The following SPAG6 variants were observed in gnomAD, a reference collection of about 807,000 sequenced individuals.
The protein encoded by SPAG6 is sperm associated antigen 6.
A neutral mutation model predicts 58.5 loss-of-function variants in SPAG6; 49 were observed. The observed-to-expected ratio is 0.84, with a 90% CI of 0.67 to 1.06. The LOEUF (loss-of-function observed/expected upper bound fraction) is 1.06. Among genes scored for constraint, SPAG6 ranks in the 50% least tolerant of loss-of-function variants. SPAG6 has a pLI of 0.00. For missense variants in SPAG6, 560 were observed against 611.3 expected, an observed-to-expected ratio of 0.92 and a Z score of 0.89; for synonymous variants, 233 against 225.6, an observed-to-expected ratio of 1.03 and a Z score of -0.29.
chr10:22,365,299 A>T (rs145570089), intron 3 of SPAG6, among the ~76,000 whole-genome samples: 652 of 152,348 alleles, frequency 4.3e-3, no homozygotes, highest in Non-Finnish European at 6.8e-3. Context: ...AAACAAAGCT[A>T]TCGGATCTGT....
intron 3 of SPAG6, among the ~76,000 whole-genome samples, chr10:22,366,876 A>T (rs971751057): frequency 3.9e-5 from 6 of 152,182 alleles, no homozygotes; most frequent in African/African-American, 1.4e-4. Context: ...CTACAGCAGA[A>T]AAGTGAGGAG....
Position 22,416,499 on chromosome 10 carries a change from T to G in SPAG6, c.1461-120T>G, listed in dbSNP as rs976634192. The G allele has an allele frequency of 2.5e-5, 15 of 607,702 alleles. No individual in the cohort carries two copies. The African/African-American group carries it at 2.5e-4, about 10-fold the overall frequency. The allele number at this position is 607,702 out of a possible 1,614,324, so 37.6% of individuals were successfully genotyped here. On this transcript the variant is annotated intron_variant, in intron 10 of 10. Coordinates refer to ENST00000376624, the MANE Select transcript of SPAG6 (RefSeq NM_012443.4). ...CAAAGCATTACTGGAGCATAATTAT[T>G]CAGAGTGTATTTGAGATTTCACTCA...
chr10:22,402,548 C>A (rs555335830), intron 9 of SPAG6, among the ~76,000 whole-genome samples: 1 of 152,294 alleles, frequency 6.6e-6, no homozygotes, highest in African/African-American at 2.4e-5. Context: ...GTGCCAGAGC[C>A]ACAGGAAAGT....
In SPAG6 at chr10:22,386,815, G is replaced by T. The variant is rs569910228; in HGVS notation, c.534G>T (p.Glu178Asp). The change falls in exon 5 of 11, where the codon GAG becomes GAT. Residue 178 changes from glutamate to aspartate, a missense_variant. Transcript: ENST00000376624. ...CTCTTTTAGTACTCTGTATCCAGGA[G>T]CCAGAAATTGCTTTGAAAAGGATTG... ...AVPLLVLCIQ[E>D]PEIALKRIAA... 6.2e-7 allele frequency: 1 copy of T among 1,613,484 alleles called. No homozygotes were observed. Among genetic ancestry groups the T allele is most frequent in the Non-Finnish European group, 8.5e-7 (1 of 1,179,656 alleles).
intron 9 of SPAG6, among the ~76,000 whole-genome samples, chr10:22,409,202 A>G (rs1470343565): frequency 6.6e-6 from 1 of 152,240 alleles, no homozygotes; most frequent in Admixed American, 6.5e-5. Context: ...AAAAGAGATG[A>G]TAAAGCAAGG....
rs1456984151 is a variant in SPAG6 at position 22,345,834 on chromosome 10, G to A, written c.121+16G>A. 4 of 1,608,752 alleles carry A rather than the reference G, an allele frequency of 2.5e-6. No individual in the cohort carries two copies. Among genetic ancestry groups the A allele is most frequent in the Admixed American group, 3.4e-5 (2 of 59,528 alleles). On this transcript the variant is annotated intron_variant, in intron 2 of 10. Coordinates refer to ENST00000376624, the MANE Select transcript of SPAG6 (RefSeq NM_012443.4). The surrounding 1 kb of genome is among the most constrained non-coding windows in gnomAD (Gnocchi z 6.3). ...CAGAACGCGGGTGAGCCCGGAGCCC[G>A]AACCCCCGTCGCCCCCCGCGCACTG...
intron 3 of SPAG6, among the ~76,000 whole-genome samples, chr10:22,365,640 C>A (rs932312052): frequency 6.6e-6 from 1 of 152,116 alleles, no homozygotes; most frequent in African/African-American, 2.4e-5. Context: ...TTGGACTGTT[C>A]ATTCTATTCT....
intron 2 of SPAG6, chr10:22,360,824 G>T (rs1837013435): frequency 6.5e-7 from 1 of 1,534,108 alleles, no homozygotes; most frequent in Non-Finnish European, 8.7e-7. Flanking sequence ...AAATTTCCAT[G>T]CATTCACTCA....
intron 4 of SPAG6, among the ~76,000 whole-genome samples, chr10:22,377,015 A>T (rs1173319951): frequency 6.6e-6 from 1 of 151,624 alleles, no homozygotes; most frequent in African/African-American, 2.4e-5. Flanking sequence ...GTAAGCTATG[A>T]TGGCGCCACT....
At chr10:22,393,778 T>C (rs1416294991) in intron 8 of SPAG6, among the ~76,000 whole-genome samples, 1 of 152,162 alleles carries the variant, frequency 6.6e-6, no homozygotes, top group Non-Finnish European at 1.5e-5. Context: ...ATTCTCTCAG[T>C]TGTTATTTTA....
At chr10:22,346,500 C>T (rs865939463) in intron 2 of SPAG6, among the ~76,000 whole-genome samples, 60 of 111,106 alleles carry the variant, frequency 5.4e-4, no homozygotes, top group African/African-American at 1.7e-3. Flanking sequence ...CTTCTTCTTT[C>T]TTCTTCTTCT....
intron 4 of SPAG6, among the ~76,000 whole-genome samples, chr10:22,382,469 T>C (rs958677443): frequency 6.6e-6 from 1 of 152,198 alleles, no homozygotes; most frequent in African/African-American, 2.4e-5. Context: ...AAATGTAATA[T>C]TTTAACTTTA....
intron 4 of SPAG6, among the ~76,000 whole-genome samples, chr10:22,386,150 T>C (rs946307376): frequency 3.9e-5 from 6 of 152,212 alleles, no homozygotes; most frequent in Non-Finnish European, 8.8e-5. Context: ...TTAGCATTTA[T>C]ATACAAAAGT....
At chr10:22,391,350 G>T (rs1834179233) in intron 7 of SPAG6, among the ~76,000 whole-genome samples, 1 of 152,114 alleles carries the variant, frequency 6.6e-6, no homozygotes, top group Non-Finnish European at 1.5e-5. Context: ...TTTCTTTAAA[G>T]ATTCTAAACT....
rs118056025 is a variant in SPAG6 at position 22,395,044 on chromosome 10, T to C, written c.1197+3124T>C. On this transcript the variant is annotated intron_variant, in intron 8 of 10. Coordinates refer to ENST00000376624, the MANE Select transcript of SPAG6 (RefSeq NM_012443.4). ...CCTTCTTTACTACTTACTTGAAGTTTCACAGTTCGTCCATGTTGTGGCATA... is the reference window on the plus strand; with the variant it reads ...CCTTCTTTACTACTTACTTGAAGTTCCACAGTTCGTCCATGTTGTGGCATA... Among the ~76,000 whole-genome samples, 335 of 152,322 alleles carry C rather than the reference T, an allele frequency of 2.2e-3. 1 individual carries two copies. Among genetic ancestry groups the C allele is most frequent in the Non-Finnish European group, 3.9e-3 (265 of 68,032 alleles).
rs538993485 is a variant in SPAG6 at position 22,383,596 on chromosome 10, C to G, written c.473-3158C>G. Among the ~76,000 whole-genome samples the G allele has an allele frequency of 9.4e-4, 143 of 151,874 alleles. 1 individual carries two copies. Among genetic ancestry groups the G allele is most frequent in the African/African-American group, 3.2e-3 (132 of 41,382 alleles). ...GAGGTTGCAGTGAGCCAAGATCACA[C>G]CACTGCACTCCAGCCTGGGCAACAG... On this transcript the variant is annotated intron_variant, in intron 4 of 10. Coordinates refer to ENST00000376624, the MANE Select transcript of SPAG6 (RefSeq NM_012443.4).
At chr10:22,374,720 G>A (rs1833778712) in intron 4 of SPAG6, among the ~76,000 whole-genome samples, 1 of 151,822 alleles carries the variant, frequency 6.6e-6, no homozygotes, top group South Asian at 2.1e-4. Context: ...AGGCTGCAGT[G>A]AGCTATGATT....
Position 22,395,962 on chromosome 10 carries a change from A to G in SPAG6, c.1197+4042A>G, listed in dbSNP as rs1332928835. On this transcript the variant is annotated intron_variant, in intron 8 of 10. Transcript: ENST00000376624. Reference sequence around the variant, plus strand: ...TCACACTGCTGTAAATAACTACCTGAGACTGGGTAATTGATGAAGAAGTTT... The same window carrying G: ...TCACACTGCTGTAAATAACTACCTGGGACTGGGTAATTGATGAAGAAGTTT... Among the ~76,000 whole-genome samples, 3 of 152,160 alleles carry G rather than the reference A, an allele frequency of 2.0e-5. No individual in the cohort carries two copies. In the East Asian group the frequency reaches 5.8e-4, roughly 29 times the overall value.
intron 8 of SPAG6, among the ~76,000 whole-genome samples, chr10:22,396,211 G>C (rs1340282330): frequency 6.6e-6 from 1 of 152,156 alleles, no homozygotes; most frequent in Non-Finnish European, 1.5e-5. Context: ...ATCTTGAATT[G>C]TACTCCCATA....
Sources: gnomAD v4.1 joint callset for allele counts (sites outside exome capture counted in the v4.1 genomes callset) on GRCh38, gnomAD v4.1.1 for gene constraint, Gnocchi (gnomAD v3.1) non-coding constraint, MANE v1.5 for transcripts, NCBI Gene and HGNC (gene_info 2026-07-23, HGNC 2026-07-21) for gene names.